The following SOX13 variants were observed in gnomAD, a reference collection of about 807,000 sequenced individuals.
SOX13 encodes transcription factor SOX-13.
A neutral mutation model predicts 71.8 loss-of-function variants in SOX13; 28 were observed. The ratio of observed to expected loss-of-function variants is 0.39; its 90% CI spans 0.29 to 0.53. SOX13 has a LOEUF of 0.53. SOX13 is among the 20% of genes least tolerant of loss of function. SOX13 has a pLI of 0.70. For synonymous variants in SOX13, 309 were observed against 317.8 expected, an observed-to-expected ratio of 0.97 and a Z score of 0.29; for missense variants, 627 against 810.3, an observed-to-expected ratio of 0.77 and a Z score of 2.75.
chr1:204,085,368 G>A (rs1655994865), intron 1 of SOX13, among the ~76,000 whole-genome samples: 1 of 152,216 alleles, frequency 6.6e-6, no homozygotes, highest in South Asian at 2.1e-4. Flanking sequence ...GAGAAAGGAT[G>A]TAAAACTGCC....
intron 1 of SOX13, among the ~76,000 whole-genome samples, chr1:204,078,922 A>T (rs1655838469): frequency 6.6e-6 from 1 of 152,238 alleles, no homozygotes; most frequent in African/African-American, 2.4e-5. Context: ...GAGATATGGT[A>T]GTTCCCTCCT....
chr1:204,088,591 C>T (rs1656071650), intron 1 of SOX13, among the ~76,000 whole-genome samples: 1 of 152,174 alleles, frequency 6.6e-6, no homozygotes, highest in South Asian at 2.1e-4. Flanking sequence ...CCTTCTCACT[C>T]CTGTCCCGTT....
At position 204,110,903 on chromosome 1, in the gene SOX13, A is replaced by C. The variant is rs552173471; in HGVS notation, c.-1-2012A>C. Among the ~76,000 whole-genome samples, 476 of 96,920 alleles carry C rather than the reference A, an allele frequency of 4.9e-3. 2 individuals carry two copies. Among genetic ancestry groups the C allele is most frequent in the African/African-American group, 0.022 (444 of 19,748 alleles). 63.6% of individuals were successfully genotyped at this position (96,920 alleles called of 152,430 possible). ...TCCCCTAAACATCTAATCCCCATGC[A>C]AAAAAAAAAAAATCAAAAAATGTAT... On this transcript the variant is annotated intron_variant, in intron 1 of 13. Transcript: ENST00000367204.
At chr1:204,079,849 G>A (rs924802284) in intron 1 of SOX13, among the ~76,000 whole-genome samples, 1 of 152,144 alleles carries the variant, frequency 6.6e-6, no homozygotes, top group Non-Finnish European at 1.5e-5. Flanking sequence ...CCTCCTAGAG[G>A]CTGTGAGGTG....
intron 1 of SOX13, among the ~76,000 whole-genome samples, chr1:204,096,503 A>G (rs1656255747): frequency 6.6e-6 from 1 of 151,010 alleles, no homozygotes; most frequent in Non-Finnish European, 1.5e-5. Context: ...TGCAGCCTCC[A>G]TCTCGTGGGC....
rs6143576 is a variant in SOX13 at position 204,112,501 on chromosome 1, GCACA to G, written c.-1-390_-1-387del. ...TGCACAGACACATGCACACATGCGT[GCACA>G]CACACACACACACACACACACACTT... On this transcript the variant is annotated intron_variant, in intron 1 of 13. Coordinates refer to ENST00000367204, the MANE Select transcript of SOX13 (RefSeq NM_005686.3). Among the ~76,000 whole-genome samples the G allele has an allele frequency of 9.5e-3, 549 of 57,910 alleles. 5 individuals carry two copies. Among genetic ancestry groups the G allele is most frequent in the African/African-American group, 0.021 (523 of 25,334 alleles). 38.0% of individuals were successfully genotyped at this position (57,910 alleles called of 152,430 possible).
intron 1 of SOX13, among the ~76,000 whole-genome samples, chr1:204,105,413 C>G (rs919054819): frequency 7.2e-6 from 1 of 137,964 alleles, no homozygotes; most frequent in Non-Finnish European, 1.5e-5. Context: ...TGTATAATCT[C>G]TTTTTTTTTT....
chr1:204,116,099 A>C, intron 4 of SOX13: 3 of 1,116,670 alleles, frequency 2.7e-6, no homozygotes, highest in Non-Finnish European at 3.4e-6. Flanking sequence ...GGATGGGTTG[A>C]AATGGGAATT....
chr1:204,089,185 G>T (rs577193089), intron 1 of SOX13, among the ~76,000 whole-genome samples: 7 of 151,632 alleles, frequency 4.6e-5, no homozygotes, highest in African/African-American at 1.2e-4. Flanking sequence ...AGATGCATGG[G>T]GGGGTGGGGA....
intron 9 of SOX13, 91 bp from the exon 10 acceptor site, chr1:204,122,763 T>A: frequency 1.3e-6 from 1 of 770,768 alleles, no homozygotes; most frequent in Non-Finnish European, 2.1e-6. Flanking sequence ...GGGAGTGGCA[T>A]GGCGGGAAGC....
chr1:204,105,513 C>G (rs891664293), intron 1 of SOX13, among the ~76,000 whole-genome samples: 126 of 151,202 alleles, frequency 8.3e-4, no homozygotes, highest in Non-Finnish European at 2.6e-4. Flanking sequence ...TTGAGCGATT[C>G]TCCTGCCTCA....
At chr1:204,106,580 C>T (rs1266782868) in intron 1 of SOX13, among the ~76,000 whole-genome samples, 2 of 147,492 alleles carry the variant, frequency 1.4e-5, no homozygotes, top group Non-Finnish European at 3.0e-5. Context: ...AGTGCAGAGG[C>T]GTGATCTCAA....
chr1:204,097,686 TC>T (rs1656279044), intron 1 of SOX13, among the ~76,000 whole-genome samples: 1 of 111,646 alleles, frequency 9.0e-6, no homozygotes, highest in South Asian at 2.8e-4. Context: ...AAAGCGAAAC[TC>T]CGTCTCAAAA....
At position 204,116,813 on chromosome 1, in the gene SOX13, C is replaced by T. The variant is rs1183215756; in HGVS notation, c.591+134C>T. On this transcript the variant is annotated intron_variant, in intron 5 of 13. Coordinates refer to ENST00000367204, the MANE Select transcript of SOX13 (RefSeq NM_005686.3). The stretch of plus-strand genomic sequence containing the variant: ...GGGCAGGCTGGGCAGGGTCTGTGGC[C>T]AGGGGCTGTAGGATTCCCACCTGGA... The T allele has an allele frequency of 1.1e-5, 16 of 1,470,302 alleles. No individual in the cohort carries two copies. In the East Asian group the frequency reaches 3.1e-4, roughly 28 times the overall value. 91.1% of individuals were successfully genotyped at this position (1,470,302 alleles called of 1,614,324 possible). A position where few individuals can be genotyped will look rare whatever the true frequency, so the allele number is the denominator to read the frequency against.
chr1:204,111,745 A>G (rs923121427), intron 1 of SOX13, among the ~76,000 whole-genome samples: 1 of 119,866 alleles, frequency 8.3e-6, no homozygotes, highest in African/African-American at 3.3e-5. Context: ...GAGTCTCATT[A>G]GGTTGTCCAG....
In SOX13 at chr1:204,109,013, G is replaced by A. The variant is rs147098234; in HGVS notation, c.-1-3902G>A. ...CCAACTGCACCCACTCCCACTTCTC[G>A]CCCCCCTGCTCTCGGCCTGGCTCTG... On this transcript the variant is annotated intron_variant, in intron 1 of 13. Coordinates refer to ENST00000367204, the MANE Select transcript of SOX13 (RefSeq NM_005686.3). Among the ~76,000 whole-genome samples the A allele has an allele frequency of 6.5e-3, 990 of 152,196 alleles. 5 individuals carry two copies. Among genetic ancestry groups the A allele is most frequent in the Middle Eastern group, 0.048 (14 of 294 alleles).
intron 8 of SOX13, 101 bp from the exon 9 acceptor site, chr1:204,122,136 T>G (rs1656820543): frequency 8.7e-7 from 1 of 1,152,614 alleles, no homozygotes; most frequent in South Asian, 1.5e-5. Context: ...TCTGTCTGTC[T>G]CCTTGTGTGT....
At chr1:204,084,075 C>T (rs539941942) in intron 1 of SOX13, among the ~76,000 whole-genome samples, 1 of 152,330 alleles carries the variant, frequency 6.6e-6, no homozygotes, top group African/African-American at 2.4e-5. Flanking sequence ...CCCAGGCACA[C>T]TATGACTTTG....
chr1:204,122,970 TCC>T lies in SOX13; in HGVS notation c.1134+11_1134+12del. ...CAACACCCCCTTCCGTAAGGTATGG[TCC>T]CCCACTCCCTTGAGCCTAGGGGCAG... is the stretch of plus-strand genomic sequence containing the variant. On this transcript the variant is annotated splice_region_variant and intron_variant, in intron 10 of 13. Coordinates refer to ENST00000367204, the MANE Select transcript of SOX13 (RefSeq NM_005686.3). The T allele has an allele frequency of 6.4e-7, 1 of 1,561,706 alleles. No individual in the cohort carries two copies. The highest frequency in any genetic ancestry group is 8.8e-7 in the Non-Finnish European group (1 of 1,141,792).
Sources: allele counts gnomAD v4.1 joint callset (sites outside exome capture counted in the v4.1 genomes callset), GRCh38; gene constraint gnomAD v4.1.1; transcripts MANE v1.5; gene names NCBI Gene and HGNC (gene_info 2026-07-23, HGNC 2026-07-21).